Variants in SCLT1 observed in about 807,000 individuals in gnomAD.
SCLT1 encodes the protein sodium channel and clathrin linker 1.
Under a neutral mutation model 112.8 loss-of-function variants are expected in SCLT1, and 78 were observed. The ratio of observed to expected loss-of-function variants is 0.69; its 90% CI spans 0.58 to 0.83. The LOEUF (loss-of-function observed/expected upper bound fraction) is 0.83. Ranked by LOEUF, SCLT1 falls within the 40% of genes least tolerant of loss-of-function variation. SCLT1 has a pLI of 0.00. For synonymous variants in SCLT1, 257 were observed against 254.7 expected, an observed-to-expected ratio of 1.01 and a Z score of -0.09; for missense variants, 747 against 770.4, an observed-to-expected ratio of 0.97 and a Z score of 0.36.
chr4:129,031,702 C>T (rs1169799269), intron 5 of SCLT1, among the ~76,000 whole-genome samples: 1 of 152,040 alleles, frequency 6.6e-6, no homozygotes, highest in Non-Finnish European at 1.5e-5. Flanking sequence ...AGTGAACTCC[C>T]ATTCACAATT....
At chr4:129,076,796 CT>C in intron 2 of SCLT1, among the ~76,000 whole-genome samples, 1 of 152,180 alleles carries the variant, frequency 6.6e-6, no homozygotes, top group African/African-American at 2.4e-5. Context: ...AACTACTGTA[CT>C]TCAGAGAGCA....
At chr4:129,089,939 C>G (rs991663225) in intron 1 of SCLT1, among the ~76,000 whole-genome samples, 3 of 152,062 alleles carry the variant, frequency 2.0e-5, no homozygotes, top group Admixed American at 1.3e-4. Context: ...GTGCAGCAAA[C>G]CACCATGGCA....
chr4:128,974,630 G>T (rs1244428979), intron 9 of SCLT1, among the ~76,000 whole-genome samples: 1 of 152,062 alleles, frequency 6.6e-6, no homozygotes, highest in Non-Finnish European at 1.5e-5. Context: ...AAAGCCTTCT[G>T]TAAGTATGCT....
intron 17 of SCLT1, among the ~76,000 whole-genome samples, chr4:128,940,633 A>C (rs1737610942): frequency 6.6e-6 from 1 of 152,034 alleles, no homozygotes. Context: ...GTGTACACAC[A>C]GGTAGTAATC....
intron 2 of SCLT1, among the ~76,000 whole-genome samples, chr4:129,068,640 T>C (rs1418913830): frequency 6.6e-6 from 1 of 152,166 alleles, no homozygotes; most frequent in Non-Finnish European, 1.5e-5. Context: ...TTCTTGCCCA[T>C]TTGTTTGAGT....
chr4:128,929,577 G>C (rs1736590663), intron 18 of SCLT1, among the ~76,000 whole-genome samples: 1 of 152,184 alleles, frequency 6.6e-6, no homozygotes, highest in Non-Finnish European at 1.5e-5. Flanking sequence ...AAATCTTGTA[G>C]TTGTTTCAAA....
intron 14 of SCLT1, among the ~76,000 whole-genome samples, 155 bp from the exon 15 acceptor site, chr4:128,948,725 A>G (rs1398325203): frequency 6.6e-6 from 1 of 152,238 alleles, no homozygotes; most frequent in Non-Finnish European, 1.5e-5. Context: ...CAATATTTGA[A>G]GAGCAACCTA....
chr4:128,924,004 A>T (rs1277193142), intron 18 of SCLT1, among the ~76,000 whole-genome samples: 1 of 151,718 alleles, frequency 6.6e-6, no homozygotes, highest in Non-Finnish European at 1.5e-5. Flanking sequence ...TGTAGAGACG[A>T]GGTCTCACTC....
intron 1 of SCLT1, among the ~76,000 whole-genome samples, chr4:129,089,879 G>C (rs1752688505): frequency 6.6e-6 from 1 of 152,122 alleles, no homozygotes; most frequent in African/African-American, 2.4e-5. Context: ...GGGGGACTAA[G>C]GGAGGGATAG....
intron 13 of SCLT1, among the ~76,000 whole-genome samples, chr4:128,953,429 A>C (rs1447542545): frequency 6.6e-6 from 1 of 152,198 alleles, no homozygotes. Context: ...TGACTGAAAA[A>C]GGCAGATGAT....
intron 5 of SCLT1, 111 bp downstream of exon 5, chr4:129,038,930 C>T (rs1747428086): frequency 2.8e-6 from 2 of 715,768 alleles, no homozygotes; most frequent in Admixed American, 2.4e-5. Flanking sequence ...AAATCAGCCC[C>T]GGGGTCCACA....
chr4:129,079,430 C>T (rs1246927149), intron 2 of SCLT1, among the ~76,000 whole-genome samples: 1 of 152,206 alleles, frequency 6.6e-6, no homozygotes, highest in Admixed American at 6.5e-5. Flanking sequence ...ACAGGGTCTA[C>T]AGGCCGCGGG....
At position 128,944,247 on chromosome 4, in the gene SCLT1, T is replaced by C. The variant is rs76601152; in HGVS notation, c.1440-1059A>G. On this transcript the variant is annotated intron_variant, in intron 16 of 20. Coordinates refer to ENST00000281142, the MANE Select transcript of SCLT1 (RefSeq NM_144643.4). ...TCTAAACCTAGGCTGATAAAGTTCC[T>C]AATAAAATGACATATCTAGGGAATG... Among the ~76,000 whole-genome samples, 712 of 152,286 alleles carry C rather than the reference T, an allele frequency of 4.7e-3. 5 individuals are homozygous for C. The highest frequency in any genetic ancestry group is 0.017 in the African/African-American group (689 of 41,570).
Position 128,952,766 on chromosome 4 carries a change from T to C in SCLT1, c.1218+3A>G, listed in dbSNP as rs763805444. 1 of 1,479,702 alleles carries C rather than the reference T, an allele frequency of 6.8e-7. No homozygotes were observed. The highest frequency in any genetic ancestry group is 1.1e-5 in the South Asian group (1 of 88,194). 91.7% of individuals were successfully genotyped at this position (1,479,702 alleles called of 1,614,324 possible). ...AAGAAAATATCAGTATAGTCAAACA[T>C]ACCATTTGAAGGGCTGAAAGTTCTT... is the stretch of plus-strand genomic sequence containing the variant. On this transcript the variant is annotated splice_donor_region_variant and intron_variant, in intron 14 of 20. Coordinates refer to ENST00000281142, the MANE Select transcript of SCLT1 (RefSeq NM_144643.4).
chr4:128,965,252 A>C lies in SCLT1; in HGVS notation c.844T>G (p.Ser282Ala), dbSNP rs768447210. The C allele has an allele frequency of 2.5e-6, 4 of 1,599,560 alleles. No individual in the cohort carries two copies. The South Asian group carries it at 4.4e-5, about 18-fold the overall frequency. The change falls in exon 11 of 21, where the codon TCT becomes GCT. Residue 282 changes from serine (S) to alanine (A), a missense_variant. Physicochemically the swap from Ser to Ala is moderately conservative, Grantham distance 99. Coordinates refer to ENST00000281142, the MANE Select transcript of SCLT1 (RefSeq NM_144643.4). ...CTTATTTCTAATTGTTTTATACTAGACTGTAACTGCTGTAAACGCCTATCT... is the reference window on the plus strand; with the variant it reads ...CTTATTTCTAATTGTTTTATACTAGCCTGTAACTGCTGTAAACGCCTATCT... ...ASDRRLQQLQ[S>A]SIKQLEIRLC... is the part of the protein sequence containing the mutation.
intron 2 of SCLT1, among the ~76,000 whole-genome samples, chr4:129,068,372 C>T (rs147981286): frequency 8.7e-4 from 132 of 152,270 alleles, no homozygotes; most frequent in Non-Finnish European, 1.5e-3. Context: ...ACTGCATCCA[C>T]GCCAACATCT....
intron 4 of SCLT1, chr4:128,875,122 T>G: frequency 6.6e-6 from 1 of 152,614 alleles, no homozygotes; most frequent in East Asian, 1.9e-4. Context: ...TTGAAAGTAT[T>G]TATAAAACTA....
At position 128,884,305 on chromosome 4, in the gene SCLT1, C is replaced by T. The variant is rs1451696921; in HGVS notation, c.*172G>A. On this transcript the variant is annotated 3_prime_UTR_variant, in exon 21 of 21. Coordinates refer to ENST00000281142, the MANE Select transcript of SCLT1 (RefSeq NM_144643.4). ...TATAGGATTATATTTTCTTTACTTACAGGAAGTGGTCACTGCTCTGTTTTC... is the reference window on the plus strand; with the variant it reads ...TATAGGATTATATTTTCTTTACTTATAGGAAGTGGTCACTGCTCTGTTTTC... The T allele has an allele frequency of 6.0e-6, 3 of 499,876 alleles. No homozygotes were observed. The highest frequency in any genetic ancestry group is 1.1e-5 in the Non-Finnish European group (3 of 283,596). 31.0% of individuals were successfully genotyped at this position (499,876 alleles called of 1,614,324 possible).
intron 5 of SCLT1, among the ~76,000 whole-genome samples, chr4:129,027,568 T>A (rs1287544801): frequency 1.3e-5 from 2 of 152,080 alleles, no homozygotes; most frequent in African/African-American, 4.8e-5. Flanking sequence ...ACAGCCAATA[T>A]CATACTGAAT....
Sources: allele counts gnomAD v4.1 joint callset (sites outside exome capture counted in the v4.1 genomes callset), GRCh38; gene constraint gnomAD v4.1.1; transcripts MANE v1.5; gene names NCBI Gene and HGNC (gene_info 2026-07-23, HGNC 2026-07-21).